Variants in PRKD1 observed in about 807,000 individuals in gnomAD.
PRKD1 encodes protein kinase D1, also known as serine/threonine-protein kinase D1.
PRKD1 carries 63 observed loss-of-function variants against 95.9 expected under a neutral mutation model. The observed-to-expected ratio is 0.66, with a 90% CI of 0.54 to 0.81. PRKD1 has a LOEUF of 0.81. Ranked by LOEUF, PRKD1 falls within the 30% of genes least tolerant of loss-of-function variation. The pLI is 0.00. For missense variants in PRKD1, 1,048 were observed against 1,165.3 expected, an observed-to-expected ratio of 0.90 and a Z score of 1.47; for synonymous variants, 425 against 423.1, an observed-to-expected ratio of 1.00 and a Z score of -0.05.
In PRKD1 at chr14:29,700,225, A is replaced by G. The variant is rs1471072294; in HGVS notation, c.403+25311T>C. On this transcript the variant is annotated intron_variant, in intron 2 of 17. Transcript: ENST00000331968. ...ACATAATTAAAAATGCAATAATCAT[A>G]TTAATTGAAACTAACAATTTCAATT... 2.0e-5 allele frequency among the ~76,000 whole-genome samples: 3 copies of G among 152,170 alleles called. No homozygotes were observed. The East Asian group carries it at 5.8e-4, about 29-fold the overall frequency.
At chr14:29,826,836 TATACACAC>T (rs1284379272) in intron 1 of PRKD1, among the ~76,000 whole-genome samples, 231 of 22,588 alleles carry the variant, frequency 0.01, 25 homozygotes, top group Admixed American at 0.02. Context: ...TATATATATA[TATACACAC>T]ATATATATAT....
intron 2 of PRKD1, among the ~76,000 whole-genome samples, chr14:29,688,576 A>G (rs958542466): frequency 6.6e-6 from 1 of 152,178 alleles, no homozygotes; most frequent in African/African-American, 2.4e-5. Context: ...TATTCCTACC[A>G]TGATCCCTTT....
chr14:29,753,234 C>T (rs1282502040), intron 1 of PRKD1, among the ~76,000 whole-genome samples: 1 of 152,054 alleles, frequency 6.6e-6, no homozygotes, highest in African/African-American at 2.4e-5. Context: ...GAAATTTCTG[C>T]TTGTAAAAAT....
intron 1 of PRKD1, among the ~76,000 whole-genome samples, chr14:29,804,611 A>G (rs567484023): frequency 6.6e-6 from 1 of 151,814 alleles, no homozygotes; most frequent in South Asian, 2.1e-4. Flanking sequence ...AATGCATCCT[A>G]ATGTTTAAAA....
intron 1 of PRKD1, among the ~76,000 whole-genome samples, chr14:29,923,427 C>T (rs539393154): frequency 2.6e-5 from 4 of 152,180 alleles, no homozygotes; most frequent in East Asian, 3.9e-4. Context: ...TAATTACTTT[C>T]GGCTTTCTCA....
chr14:29,892,919 T>C (rs1893990206), intron 1 of PRKD1, among the ~76,000 whole-genome samples: 1 of 152,220 alleles, frequency 6.6e-6, no homozygotes, highest in Non-Finnish European at 1.5e-5. Context: ...TATGTTGGAA[T>C]TGAAATACCA....
chr14:29,677,017 T>G (rs1594419346), intron 2 of PRKD1, among the ~76,000 whole-genome samples: 1 of 152,192 alleles, frequency 6.6e-6, no homozygotes, highest in Admixed American at 6.5e-5. Flanking sequence ...TATTGCAGAG[T>G]GCAGAACATT....
At chr14:29,821,681 CT>C (rs1029760724) in intron 1 of PRKD1, among the ~76,000 whole-genome samples, 1 of 152,174 alleles carries the variant, frequency 6.6e-6, no homozygotes, top group African/African-American at 2.4e-5. Context: ...GGTTCACAAA[CT>C]AATTCTTGAA....
chr14:29,746,500 T>A (rs1401999713), intron 1 of PRKD1, among the ~76,000 whole-genome samples: 18 of 150,728 alleles, frequency 1.2e-4, no homozygotes, highest in Admixed American at 1.1e-3. Flanking sequence ...AATATCCTTC[T>A]ATTATTTATC....
chr14:29,700,985 C>T (rs1364706032), intron 2 of PRKD1, among the ~76,000 whole-genome samples: 3 of 141,536 alleles, frequency 2.1e-5, no homozygotes, highest in Non-Finnish European at 4.6e-5. Context: ...TGCGCGCGCG[C>T]GCGCACACAC....
chr14:29,633,223 A>T (rs1203076260), intron 8 of PRKD1, among the ~76,000 whole-genome samples: 1 of 152,196 alleles, frequency 6.6e-6, no homozygotes, highest in Admixed American at 6.5e-5. Flanking sequence ...AGTGCATAGT[A>T]AACAGAAAAC....
At chr14:29,684,507 T>A (rs374895466) in intron 2 of PRKD1, among the ~76,000 whole-genome samples, 2 of 152,346 alleles carry the variant, frequency 1.3e-5, no homozygotes, top group East Asian at 3.9e-4. Flanking sequence ...TTCTTCTGTA[T>A]CCTAAATAGC....
intron 1 of PRKD1, among the ~76,000 whole-genome samples, chr14:29,845,990 G>C (rs1376379092): frequency 6.6e-6 from 1 of 152,110 alleles, no homozygotes; most frequent in Non-Finnish European, 1.5e-5. Flanking sequence ...CAATTGTAAA[G>C]TGTAACTTGA....
intron 1 of PRKD1, among the ~76,000 whole-genome samples, chr14:29,746,041 C>T (rs558489186): frequency 4.6e-5 from 7 of 152,200 alleles, no homozygotes; most frequent in African/African-American, 9.6e-5. Flanking sequence ...TCCTTTCCTA[C>T]AGAGGTTACA....
At chr14:29,639,970 T>C (rs1431631112) in intron 4 of PRKD1, among the ~76,000 whole-genome samples, 2 of 152,222 alleles carry the variant, frequency 1.3e-5, no homozygotes, top group Admixed American at 6.5e-5. Context: ...TCCTGGGATA[T>C]ATTTGAGAAT....
At chr14:29,796,583 C>T (rs10150674) in intron 1 of PRKD1, among the ~76,000 whole-genome samples, 3,118 of 152,148 alleles carry the variant, frequency 0.02, 100 homozygotes, top group African/African-American at 0.057. Context: ...AGACTAAGTG[C>T]TCATCTTTCA....
chr14:29,591,504 T>C (rs1202061558), intron 16 of PRKD1, among the ~76,000 whole-genome samples: 3 of 152,062 alleles, frequency 2.0e-5, no homozygotes, highest in African/African-American at 7.2e-5. Context: ...CTTCTTATGT[T>C]CTCAGTGCAA....
At chr14:29,830,657 A>G (rs1239204318) in intron 1 of PRKD1, among the ~76,000 whole-genome samples, 2 of 152,006 alleles carry the variant, frequency 1.3e-5, no homozygotes, top group African/African-American at 4.8e-5. Context: ...TAAGCTTAAC[A>G]TAATATCCCA....
At chr14:29,601,202 T>G (rs763503425) in intron 13 of PRKD1, among the ~76,000 whole-genome samples, 1 of 152,210 alleles carries the variant, frequency 6.6e-6, no homozygotes, top group Non-Finnish European at 1.5e-5. Flanking sequence ...GTCTACATTG[T>G]TGTAGTTGTC....
Sources: allele counts gnomAD v4.1 joint callset (sites outside exome capture counted in the v4.1 genomes callset), GRCh38; gene constraint gnomAD v4.1.1; transcripts MANE v1.5; gene names NCBI Gene and HGNC (gene_info 2026-07-23, HGNC 2026-07-21).